Variants in AK9 observed in about 807,000 individuals in gnomAD.
AK9 encodes the protein adenylate kinase 9.
AK9 carries 191 observed loss-of-function variants against 239.6 expected under a neutral mutation model. The observed-to-expected ratio is 0.80, with a 90% CI of 0.71 to 0.90. The LOEUF (loss-of-function observed/expected upper bound fraction) is 0.90, where lower values mean the gene tolerates loss of function less well. Among genes scored for constraint, AK9 ranks in the 40% least tolerant of loss-of-function variants. AK9 has a pLI of 0.00. For missense variants in AK9, 1,995 were observed against 2,214.7 expected, an observed-to-expected ratio of 0.90 and a Z score of 1.99; for synonymous variants, 689 against 721.0, an observed-to-expected ratio of 0.96 and a Z score of 0.71.
chr6:109,521,535 A>T (rs1031157366), intron 29 of AK9, among the ~76,000 whole-genome samples: 1 of 152,030 alleles, frequency 6.6e-6, no homozygotes, highest in African/African-American at 2.4e-5. Context: ...ATATTACTAC[A>T]TTTATGTCCC....
intron 24 of AK9, among the ~76,000 whole-genome samples, chr6:109,556,757 T>C (rs893025537): frequency 6.6e-6 from 1 of 151,828 alleles, no homozygotes; most frequent in African/African-American, 2.4e-5. Context: ...CAGTAAGGTG[T>C]TCTTCAAACT....
chr6:109,594,679 GA>G (rs1297724788), intron 17 of AK9, among the ~76,000 whole-genome samples: 1 of 151,988 alleles, frequency 6.6e-6, no homozygotes, highest in Admixed American at 6.6e-5. Flanking sequence ...ACCAATGGAA[GA>G]AAACAGAGGC....
chr6:109,561,102 C>G (rs931928778), intron 24 of AK9, among the ~76,000 whole-genome samples: 1 of 151,958 alleles, frequency 6.6e-6, no homozygotes, highest in African/African-American at 2.4e-5. Flanking sequence ...TACAGGTGCG[C>G]ATGACCACAC....
Position 109,493,292 on chromosome 6 carries a change from T to G in AK9, c.*77A>C. The G allele has an allele frequency of 6.8e-7, 1 of 1,466,220 alleles. No homozygotes were observed. Among genetic ancestry groups the G allele is most frequent in the Non-Finnish European group, 9.3e-7 (1 of 1,071,204 alleles). The allele number at this position is 1,466,220 out of a possible 1,614,324, so 90.8% of individuals were successfully genotyped here. A position where few individuals can be genotyped will look rare whatever the true frequency, so the allele number is the denominator to read the frequency against. Reference sequence around the variant, plus strand: ...AAAGTACTTCCAAGAGGCCCAGATTTTCAATCTACTTCTCTCAGTTTCCCT... The same window carrying G: ...AAAGTACTTCCAAGAGGCCCAGATTGTCAATCTACTTCTCTCAGTTTCCCT... On this transcript the variant is annotated 3_prime_UTR_variant, in exon 41 of 41. Transcript: ENST00000424296.
intron 35 of AK9, among the ~76,000 whole-genome samples, chr6:109,502,265 T>C (rs560836322): frequency 3.9e-5 from 6 of 152,256 alleles, no homozygotes; most frequent in South Asian, 4.1e-4. Flanking sequence ...AAAAGATATA[T>C]TGAAGTACCC....
chr6:109,554,668 A>G (rs1184233968), intron 24 of AK9, among the ~76,000 whole-genome samples: 1 of 150,852 alleles, frequency 6.6e-6, no homozygotes, highest in Admixed American at 6.6e-5. Context: ...AGTAGCTGGG[A>G]TTACAGACGT....
intron 5 of AK9, among the ~76,000 whole-genome samples, chr6:109,663,768 C>T (rs952410548): frequency 6.6e-6 from 1 of 152,112 alleles, no homozygotes; most frequent in African/African-American, 2.4e-5. Context: ...TTAATGTAAC[C>T]AAGTTTTGAA....
chr6:109,628,644 T>A (rs1795801817), intron 12 of AK9, among the ~76,000 whole-genome samples: 1 of 152,180 alleles, frequency 6.6e-6, no homozygotes, highest in South Asian at 2.1e-4. Flanking sequence ...GAACAAAGGT[T>A]GTCATTCTTT....
At chr6:109,614,080 T>C (rs1562495002) in intron 15 of AK9, 103 bp downstream of exon 15, 1 of 1,175,264 alleles carries the variant, frequency 8.5e-7, no homozygotes, top group Non-Finnish European at 1.2e-6. Context: ...TCCTGAAGTT[T>C]CCAATTTTGG....
At chr6:109,643,035 C>T (rs1327933911) in intron 9 of AK9, among the ~76,000 whole-genome samples, 1 of 152,036 alleles carries the variant, frequency 6.6e-6, no homozygotes, top group Non-Finnish European at 1.5e-5. Context: ...ACTCTGGGGT[C>T]CTGCAACACT....
chr6:109,649,804 TG>T (rs1253288896), intron 8 of AK9, among the ~76,000 whole-genome samples: 1 of 152,222 alleles, frequency 6.6e-6, no homozygotes, highest in Admixed American at 6.5e-5. Flanking sequence ...AGAACAAAGC[TG>T]GAGGCATCAC....
intron 12 of AK9, among the ~76,000 whole-genome samples, chr6:109,631,524 A>G (rs549770243): frequency 6.6e-6 from 1 of 152,328 alleles, no homozygotes; most frequent in South Asian, 2.1e-4. Context: ...AGAAAGACCG[A>G]CCATAGTAAG....
At chr6:109,535,874 A>G (rs1326330854) in intron 27 of AK9, among the ~76,000 whole-genome samples, 3 of 152,104 alleles carry the variant, frequency 2.0e-5, no homozygotes, top group Non-Finnish European at 4.4e-5. Flanking sequence ...TCCTTTCCCC[A>G]TTTCTTGTTT....
chr6:109,659,285 G>T lies in AK9; in HGVS notation c.573C>A (p.Ala191=). The change falls in exon 7 of 41, where the codon GCC becomes GCA. Residue 191 remains alanine, a synonymous_variant. Transcript: ENST00000424296. ...CCTCTTCTCCTTTTCCGTCCTTTTG[G>T]GCTTCTTTCTTCTTTTTCCTATGAT... The part of the protein sequence containing the change: ...IENHRKKKKE[A]QKDGKGEEEE... The T allele has an allele frequency of 6.2e-7, 1 of 1,600,418 alleles. No homozygotes were observed. The highest frequency in any genetic ancestry group is 8.5e-7 in the Non-Finnish European group (1 of 1,175,148).
intron 12 of AK9, among the ~76,000 whole-genome samples, chr6:109,627,649 C>G (rs1010820815): frequency 8.0e-6 from 1 of 124,924 alleles, no homozygotes; most frequent in Admixed American, 9.2e-5. Flanking sequence ...GTTTACCACA[C>G]TGAACTTCTG....
At chr6:109,612,133 A>T (rs1411266625) in intron 15 of AK9, 40 bp from the exon 16 acceptor site, 3 of 1,280,670 alleles carry the variant, frequency 2.3e-6, no homozygotes, top group Non-Finnish European at 2.2e-6. Flanking sequence ...GAACGGTATT[A>T]AAAAAAATGT....
At chr6:109,687,256 TAAGAGA>T (rs1773640949) in intron 1 of AK9, among the ~76,000 whole-genome samples, 1 of 151,958 alleles carries the variant, frequency 6.6e-6, no homozygotes. Context: ...GATCAGAAGG[TAAGAGA>T]AAAAGAGTTC....
chr6:109,569,517 T>C (rs1002355765), intron 21 of AK9, among the ~76,000 whole-genome samples: 27 of 152,118 alleles, frequency 1.8e-4, no homozygotes, highest in African/African-American at 6.5e-4. Flanking sequence ...AGAAAATTTT[T>C]GCAATCTACC....
At chr6:109,528,850 G>A in intron 29 of AK9, 161 bp downstream of exon 29, 1 of 1,290,094 alleles carries the variant, frequency 7.8e-7, no homozygotes, top group Non-Finnish European at 1.1e-6. Flanking sequence ...GGCTGGGTGT[G>A]ATGGCTCATG....
Sources: gnomAD v4.1 joint callset for allele counts (sites outside exome capture counted in the v4.1 genomes callset) on GRCh38, gnomAD v4.1.1 for gene constraint, MANE v1.5 for transcripts, NCBI Gene and HGNC (gene_info 2026-07-23, HGNC 2026-07-21) for gene names.